PPP2R5E: variants seen among roughly 807,000 people sequenced by gnomAD.
The protein encoded by PPP2R5E is serine/threonine-protein phosphatase 2A 56 kDa regulatory subunit epsilon isoform.
A neutral mutation model predicts 65.3 loss-of-function variants in PPP2R5E; 4 were observed. That is an observed-to-expected ratio of 0.06 (90% CI 0.03 to 0.14). PPP2R5E has a LOEUF of 0.14. Ranked by LOEUF, PPP2R5E falls within the 10% of genes least tolerant of loss-of-function variation. The pLI, the probability that PPP2R5E is intolerant of heterozygous loss-of-function variation, is 1.00. For missense variants in PPP2R5E, 274 were observed against 556.1 expected, an observed-to-expected ratio of 0.49 and a Z score of 5.10; for synonymous variants, 183 against 187.4, an observed-to-expected ratio of 0.98 and a Z score of 0.19.
intron 2 of PPP2R5E, among the ~76,000 whole-genome samples, chr14:63,469,042 G>A (rs866448124): frequency 2.0e-5 from 3 of 152,118 alleles, no homozygotes; most frequent in South Asian, 2.1e-4. Context: ...CCCACAACAC[G>A]AATTTGTTTA....
At chr14:63,495,437 A>G (rs1891503585) in intron 2 of PPP2R5E, among the ~76,000 whole-genome samples, 1 of 147,862 alleles carries the variant, frequency 6.8e-6, no homozygotes, top group South Asian at 2.1e-4. Context: ...AAAAAAAATT[A>G]GCTGGGCAAT....
At chr14:63,392,737 T>C (rs1885098060) in intron 8 of PPP2R5E, among the ~76,000 whole-genome samples, 1 of 152,248 alleles carries the variant, frequency 6.6e-6, no homozygotes. Context: ...GGATTAATTT[T>C]TCCTCGAAAT....
At chr14:63,429,432 A>T (rs1450858373) in intron 3 of PPP2R5E, among the ~76,000 whole-genome samples, 2 of 152,240 alleles carry the variant, frequency 1.3e-5, no homozygotes, top group Non-Finnish European at 2.9e-5. Flanking sequence ...TAAACAGAAA[A>T]CATTCCAGGA....
At chr14:63,512,126 A>G (rs1331909700) in intron 2 of PPP2R5E, among the ~76,000 whole-genome samples, 1 of 151,942 alleles carries the variant, frequency 6.6e-6, no homozygotes, top group Non-Finnish European at 1.5e-5. Flanking sequence ...CACTGAAAAT[A>G]AAAGATTTCA....
intron 3 of PPP2R5E, among the ~76,000 whole-genome samples, chr14:63,424,620 G>A (rs955355170): frequency 6.6e-6 from 1 of 151,868 alleles, no homozygotes; most frequent in Non-Finnish European, 1.5e-5. Context: ...GTGTGGTGGC[G>A]GGCGCCTGTA....
intron 3 of PPP2R5E, among the ~76,000 whole-genome samples, chr14:63,426,699 C>CAAAAAAAAAAA (rs1191603099): frequency 1.8e-5 from 1 of 54,790 alleles, no homozygotes. Flanking sequence ...AAAGGCTTAT[C>CAAAAAAAAAAA]AAAAAAAAAA....
intron 13 of PPP2R5E, among the ~76,000 whole-genome samples, chr14:63,377,057 C>G (rs758920911): frequency 6.6e-6 from 1 of 151,502 alleles, no homozygotes. Flanking sequence ...CGCTTGAACC[C>G]GGGGGGCGGA....
chr14:63,394,042 T>A, intron 7 of PPP2R5E, 114 bp from the exon 8 acceptor site: 1 of 449,050 alleles, frequency 2.2e-6, no homozygotes, highest in Non-Finnish European at 4.2e-6. Flanking sequence ...AACAACATAA[T>A]ACCCACCCCA....
intron 2 of PPP2R5E, among the ~76,000 whole-genome samples, chr14:63,473,356 T>C (rs189218542): frequency 6.6e-6 from 1 of 152,132 alleles, no homozygotes; most frequent in Non-Finnish European, 1.5e-5. Flanking sequence ...GCTCAATGAC[T>C]GAGTAAGGGG....
intron 3 of PPP2R5E, among the ~76,000 whole-genome samples, chr14:63,428,583 G>T (rs1251860102): frequency 2.0e-5 from 3 of 152,044 alleles, no homozygotes; most frequent in Non-Finnish European, 1.5e-5. Flanking sequence ...TTCAGGGCCC[G>T]GCTGCTCTAT....
At chr14:63,409,970 C>A (rs923355514) in intron 5 of PPP2R5E, among the ~76,000 whole-genome samples, 7 of 152,194 alleles carry the variant, frequency 4.6e-5, no homozygotes, top group Admixed American at 2.0e-4. Context: ...AATATACTTA[C>A]AATATATAGG....
At chr14:63,508,246 T>C in intron 2 of PPP2R5E, 1 of 985,070 alleles carries the variant, frequency 1.0e-6, no homozygotes, top group Non-Finnish European at 1.2e-6. Flanking sequence ...CTTTCCTCTC[T>C]AAACCACGCG....
At chr14:63,422,729 TAAAAAA>T (rs567590182) in intron 3 of PPP2R5E, among the ~76,000 whole-genome samples, 29 of 88,240 alleles carry the variant, frequency 3.3e-4, no homozygotes, top group African/African-American at 1.2e-4. Context: ...TCCGTCTATT[TAAAAAA>T]AAAAAAAAAA....
chr14:63,442,743 A>G (rs1009975600), intron 3 of PPP2R5E, among the ~76,000 whole-genome samples: 1 of 152,194 alleles, frequency 6.6e-6, no homozygotes, highest in African/African-American at 2.4e-5. Flanking sequence ...AAAACATAGG[A>G]TATACGTATG....
intron 2 of PPP2R5E, among the ~76,000 whole-genome samples, chr14:63,523,157 A>C (rs1893030978): frequency 6.8e-6 from 1 of 146,572 alleles, no homozygotes; most frequent in South Asian, 2.2e-4. Context: ...GGCCGCCCCT[A>C]CTGGGAGGTG....
At chr14:63,491,982 A>G (rs530138697) in intron 2 of PPP2R5E, among the ~76,000 whole-genome samples, 1 of 152,276 alleles carries the variant, frequency 6.6e-6, no homozygotes, top group Non-Finnish European at 1.5e-5. Flanking sequence ...AAGTAAGACA[A>G]TAAAGGAAAC....
At chr14:63,384,681 CAATT>C (rs1204715191) in intron 11 of PPP2R5E, 110 bp from the exon 12 acceptor site, 2 of 830,722 alleles carry the variant, frequency 2.4e-6, no homozygotes, top group Non-Finnish European at 3.6e-6. Flanking sequence ...GTAAATCATT[CAATT>C]AGAGGTAAAA....
intron 10 of PPP2R5E, among the ~76,000 whole-genome samples, chr14:63,390,527 TAAAG>T (rs2139776329): frequency 6.6e-6 from 1 of 152,120 alleles, no homozygotes; most frequent in African/African-American, 2.4e-5. Context: ...TTTGAAAAAA[TAAAG>T]TGAGCAATCA....
chr14:63,446,099 T>C (rs1373094373), intron 3 of PPP2R5E, among the ~76,000 whole-genome samples: 1 of 152,250 alleles, frequency 6.6e-6, no homozygotes, highest in Non-Finnish European at 1.5e-5. Flanking sequence ...AACCACTTTC[T>C]TTGCTCATCC....
Sources: allele counts gnomAD v4.1 joint callset (sites outside exome capture counted in the v4.1 genomes callset), GRCh38; gene constraint gnomAD v4.1.1; transcripts MANE v1.5; gene names NCBI Gene and HGNC (gene_info 2026-07-23, HGNC 2026-07-21).